Variants in CDON observed in about 807,000 individuals in gnomAD.
CDON encodes cell adhesion associated, oncogene regulated, also known as cell adhesion molecule-related/down-regulated by oncogenes.
Under a neutral mutation model 120.9 loss-of-function variants are expected in CDON, and 73 were observed. That is an observed-to-expected ratio of 0.60 (90% CI 0.50 to 0.73). The LOEUF (loss-of-function observed/expected upper bound fraction) is 0.73, where lower values mean the gene tolerates loss of function less well. CDON is among the 30% of genes least tolerant of loss of function. The pLI, the probability that CDON is intolerant of heterozygous loss-of-function variation, is 0.00. For synonymous variants in CDON, 566 were observed against 573.5 expected, an observed-to-expected ratio of 0.99 and a Z score of 0.19; for missense variants, 1,470 against 1,587.3, an observed-to-expected ratio of 0.93 and a Z score of 1.26.
chr11:126,055,852 C>A (rs7945362), intron 1 of CDON, among the ~76,000 whole-genome samples: 5 of 151,952 alleles, frequency 3.3e-5, no homozygotes, highest in Admixed American at 3.3e-4. Flanking sequence ...AAAGAATACC[C>A]GACATTTACT....
intron 1 of CDON, among the ~76,000 whole-genome samples, chr11:126,037,961 A>C (rs569184220): frequency 1.3e-5 from 2 of 152,336 alleles, no homozygotes; most frequent in South Asian, 4.1e-4. Context: ...GGCAGGCTCC[A>C]AAAATGACTG....
chr11:125,967,893 A>AT (rs903592365), intron 18 of CDON, among the ~76,000 whole-genome samples: 4 of 151,890 alleles, frequency 2.6e-5, no homozygotes, highest in Non-Finnish European at 5.9e-5. Context: ...AAATTTTTAA[A>AT]TTTTTTTTGT....
intron 14 of CDON, among the ~76,000 whole-genome samples, chr11:125,991,854 C>T (rs1432172934): frequency 6.6e-6 from 1 of 152,124 alleles, no homozygotes; most frequent in Non-Finnish European, 1.5e-5. Flanking sequence ...AACAAGTGCT[C>T]TGTGAACCTA....
intron 14 of CDON, among the ~76,000 whole-genome samples, chr11:125,992,830 GGCCTAT>G (rs1421589034): frequency 6.6e-6 from 1 of 151,998 alleles, no homozygotes; most frequent in African/African-American, 2.4e-5. Context: ...AAATAACCTT[GGCCTAT>G]GGCAATTTTC....
intron 14 of CDON, among the ~76,000 whole-genome samples, chr11:125,991,424 A>G (rs1946628168): frequency 6.6e-6 from 1 of 152,212 alleles, no homozygotes; most frequent in Non-Finnish European, 1.5e-5. Context: ...AGACTTAAAG[A>G]TCAGAATGAC....
In CDON at chr11:126,012,661, C is replaced by T. The variant is rs185677702; in HGVS notation, c.1199-1967G>A. On this transcript the variant is annotated intron_variant, in intron 7 of 19. Coordinates refer to ENST00000531738, the MANE Select transcript of CDON (RefSeq NM_001378964.1). ...TGAGCTCAGGCAATCCACCCACCTCCACCTCCCAAAGTGCTAGGATTACAG... is the reference window on the plus strand; with the variant it reads ...TGAGCTCAGGCAATCCACCCACCTCTACCTCCCAAAGTGCTAGGATTACAG... Among the ~76,000 whole-genome samples the T allele has an allele frequency of 2.3e-3, 354 of 152,030 alleles. 8 individuals are homozygous for T. The South Asian group carries it at 0.038, about 16-fold the overall frequency.
chr11:126,040,896 A>G (rs1948243150), intron 1 of CDON, among the ~76,000 whole-genome samples: 1 of 149,672 alleles, frequency 6.7e-6, no homozygotes, highest in South Asian at 2.1e-4. Flanking sequence ...GCGCTACAGT[A>G]AAAACATGGG....
chr11:126,054,487 C>G (rs1948638938), intron 1 of CDON, among the ~76,000 whole-genome samples: 1 of 152,162 alleles, frequency 6.6e-6, no homozygotes, highest in African/African-American at 2.4e-5. Context: ...ATCTTCATTA[C>G]TTGAAGCTGT....
intron 7 of CDON, among the ~76,000 whole-genome samples, chr11:126,014,140 G>A (rs1027492456): frequency 6.6e-5 from 10 of 151,778 alleles, no homozygotes; most frequent in African/African-American, 2.2e-4. Context: ...ATATTATATT[G>A]ATTTTCTGAA....
Position 125,995,042 on chromosome 11 carries a change from G to GTA in CDON, c.2371_2372dup (p.Lys792ThrfsTer37). ...GGTTGATGGCAATGACCCTAAATTTGTATGTTGAACCTTTGAGGGAAAACA... is the reference window on the plus strand; with the variant it reads ...GGTTGATGGCAATGACCCTAAATTTGTATATGTTGAACCTTTGAGGGAAAACA... On this transcript the variant is annotated frameshift_variant, in exon 13 of 20. Coordinates refer to ENST00000531738, the MANE Select transcript of CDON (RefSeq NM_001378964.1). LOFTEE classifies it high-confidence loss of function. 6.2e-7 allele frequency: 1 copy of GTA among 1,613,736 alleles called. No homozygotes were observed. Among genetic ancestry groups the GTA allele is most frequent in the Non-Finnish European group, 8.5e-7 (1 of 1,179,804 alleles).
chr11:126,015,828 G>C (rs909053397), intron 6 of CDON, among the ~76,000 whole-genome samples: 2 of 152,110 alleles, frequency 1.3e-5, no homozygotes, highest in African/African-American at 4.8e-5. Context: ...TTTATTTCAG[G>C]TGATTAGCTT....
At chr11:126,016,947 AAAAATGAAAC>A in intron 6 of CDON, 131 bp downstream of exon 6, 1 of 709,804 alleles carries the variant, frequency 1.4e-6, no homozygotes, top group Non-Finnish European at 2.3e-6. Flanking sequence ...AGTCCATTAT[AAAAATGAAAC>A]TTGTTCTGGC....
intron 1 of CDON, among the ~76,000 whole-genome samples, chr11:126,057,132 G>A (rs773779730): frequency 1.3e-5 from 2 of 152,164 alleles, no homozygotes; most frequent in Non-Finnish European, 2.9e-5. Flanking sequence ...ATACCTTCAA[G>A]TAGTGAATAA....
chr11:125,973,652 T>C (rs966512046), intron 18 of CDON, among the ~76,000 whole-genome samples: 2 of 152,258 alleles, frequency 1.3e-5, no homozygotes, highest in Non-Finnish European at 2.9e-5. Context: ...ACTAGGTTTC[T>C]GCTATGTTGG....
intron 1 of CDON, among the ~76,000 whole-genome samples, chr11:126,044,762 G>C (rs527866633): frequency 6.6e-6 from 1 of 151,928 alleles, no homozygotes; most frequent in African/African-American, 2.4e-5. Context: ...AGGGAGGTGG[G>C]GATAAAGTGG....
rs189453105 is a variant in CDON, at chr11:126,054,154, T to C, written c.-62+8425A>G. On this transcript the variant is annotated intron_variant, in intron 1 of 19. Coordinates refer to ENST00000531738, the MANE Select transcript of CDON (RefSeq NM_001378964.1). ...GAACAGATACCAAACTACAGTAAAA[T>C]AAAAAATTCTAATTACTTTTATTCT... Among the ~76,000 whole-genome samples, 293 of 152,182 alleles carry C rather than the reference T, an allele frequency of 1.9e-3. 1 individual carries two copies. Among genetic ancestry groups the C allele is most frequent in the Non-Finnish European group, 1.7e-3 (114 of 68,000 alleles).
chr11:125,980,870 A>C lies in CDON; in HGVS notation c.3276+179T>G, dbSNP rs77635736. 0.029 allele frequency among the ~76,000 whole-genome samples: 4,482 copies of C among 152,330 alleles called. 237 individuals are homozygous for C. The highest frequency in any genetic ancestry group is 0.1 in the African/African-American group (4,273 of 41,566). On this transcript the variant is annotated intron_variant, in intron 17 of 19. Transcript: ENST00000531738. ...CTGATGAACATAACTATTACCTGGC[A>C]ATAGAAAACAACTTACAAAGACTAC... is the stretch of plus-strand genomic sequence containing the variant.
chr11:125,966,732 A>G (rs1382000427), intron 18 of CDON, among the ~76,000 whole-genome samples: 1 of 152,226 alleles, frequency 6.6e-6, no homozygotes, highest in East Asian at 1.9e-4. Context: ...CAGAAGAAAA[A>G]GATGTATTAC....
intron 1 of CDON, among the ~76,000 whole-genome samples, chr11:126,030,296 A>G (rs1345306684): frequency 3.9e-5 from 6 of 152,204 alleles, no homozygotes; most frequent in African/African-American, 1.2e-4. Context: ...TGCCAGAATA[A>G]TCCTTTGGGA....
Sources: allele counts gnomAD v4.1 joint callset (sites outside exome capture counted in the v4.1 genomes callset), GRCh38; gene constraint gnomAD v4.1.1; transcripts MANE v1.5; gene names NCBI Gene and HGNC (gene_info 2026-07-23, HGNC 2026-07-21).